SNX29: variants seen among roughly 807,000 people sequenced by gnomAD.
SNX29 encodes sorting nexin-29.
SNX29 carries 78 observed loss-of-function variants against 102.1 expected under a neutral mutation model. The ratio of observed to expected loss-of-function variants is 0.76; its 90% CI spans 0.64 to 0.92. SNX29 has a LOEUF of 0.92. Among genes scored for constraint, SNX29 ranks in the 40% least tolerant of loss-of-function variants. The pLI is 0.00. For missense variants in SNX29, 1,280 were observed against 1,061.7 expected, an observed-to-expected ratio of 1.21 and a Z score of -2.86; for synonymous variants, 580 against 414.5, an observed-to-expected ratio of 1.40 and a Z score of -4.85.
chr16:12,259,298 C>T (rs937835617), intron 14 of SNX29, among the ~76,000 whole-genome samples: 4 of 152,200 alleles, frequency 2.6e-5, no homozygotes, highest in East Asian at 1.9e-4. Flanking sequence ...AGCGTGATTA[C>T]AGCTGGGCCA....
intron 19 of SNX29, among the ~76,000 whole-genome samples, chr16:12,479,441 T>C (rs751157708): frequency 1.3e-5 from 2 of 150,938 alleles, no homozygotes; most frequent in African/African-American, 2.4e-5. Flanking sequence ...ATAAAACAGA[T>C]TGAAACCTGA....
In SNX29 at chr16:12,257,663, C is replaced by T. The variant is rs532880735; in HGVS notation, c.1679-20270C>T. On this transcript the variant is annotated intron_variant, in intron 14 of 20. Transcript: ENST00000566228. ...AGTTGGGAAGTTGGAACTACAGGCA[C>T]GCACCACCATGCCCGGCTTATTTAA... is the stretch of plus-strand genomic sequence containing the variant. 4.0e-5 allele frequency among the ~76,000 whole-genome samples: 6 copies of T among 151,786 alleles called. No individual in the cohort carries two copies. In the South Asian group the frequency reaches 1.0e-3, roughly 26 times the overall value.
intron 11 of SNX29, among the ~76,000 whole-genome samples, chr16:12,113,384 G>T (rs1229240329): frequency 6.6e-6 from 1 of 152,112 alleles, no homozygotes; most frequent in Non-Finnish European, 1.5e-5. Context: ...TGACTACATG[G>T]CTCCTGTGTT....
chr16:12,158,003 C>G (rs575916299), intron 13 of SNX29, among the ~76,000 whole-genome samples: 52 of 152,224 alleles, frequency 3.4e-4, no homozygotes, highest in African/African-American at 1.1e-3. Flanking sequence ...CATTACATCA[C>G]AGCATCTGGT....
chr16:12,078,700 T>G, intron 10 of SNX29, 133 bp from the exon 11 acceptor site: 1 of 756,752 alleles, frequency 1.3e-6, no homozygotes, highest in South Asian at 1.5e-5. Context: ...GAGGCCTGAC[T>G]AATTTCCAAT....
At chr16:12,267,008 C>A (rs1243130191) in intron 14 of SNX29, among the ~76,000 whole-genome samples, 1 of 152,172 alleles carries the variant, frequency 6.6e-6, no homozygotes, top group Middle Eastern at 3.2e-3. Context: ...AGTGATCCGC[C>A]TGCCTCAGCC....
chr16:12,298,984 C>T (rs112453709), intron 15 of SNX29, among the ~76,000 whole-genome samples: 1 of 144,146 alleles, frequency 6.9e-6, no homozygotes, highest in Admixed American at 6.8e-5. Context: ...CCAGAGAGGA[C>T]CAATGAGTCT....
At chr16:12,066,603 G>A (rs574344196) in intron 9 of SNX29, among the ~76,000 whole-genome samples, 3 of 152,182 alleles carry the variant, frequency 2.0e-5, no homozygotes, top group South Asian at 4.1e-4. Flanking sequence ...GACCTTGCCA[G>A]ATGTGCCGAG....
At chr16:12,550,891 G>A (rs1179365367) in intron 20 of SNX29, among the ~76,000 whole-genome samples, 4 of 152,192 alleles carry the variant, frequency 2.6e-5, no homozygotes, top group Non-Finnish European at 5.9e-5. Flanking sequence ...TGTGACGGGA[G>A]GGGAAGCTCA....
intron 13 of SNX29, among the ~76,000 whole-genome samples, chr16:12,198,141 G>C (rs974582887): frequency 6.6e-6 from 1 of 152,076 alleles, no homozygotes; most frequent in African/African-American, 2.4e-5. Context: ...TGAGTGTTTT[G>C]GGTTGGTAGT....
At chr16:12,069,619 A>T (rs1052227779) in intron 10 of SNX29, among the ~76,000 whole-genome samples, 2 of 152,132 alleles carry the variant, frequency 1.3e-5, no homozygotes, top group African/African-American at 4.8e-5. Context: ...TGCCTCAGAG[A>T]GACTGTATAA....
chr16:12,536,898 C>T (rs147808469), intron 20 of SNX29, among the ~76,000 whole-genome samples: 1,979 of 152,210 alleles, frequency 0.013, 35 homozygotes, highest in African/African-American at 0.046. Flanking sequence ...ATCGCTTGAG[C>T]CCGGGAGGTG....
chr16:12,061,686 T>G, intron 9 of SNX29, 40 bp downstream of exon 9: 1 of 1,548,702 alleles, frequency 6.5e-7, no homozygotes, highest in Non-Finnish European at 8.8e-7. Context: ...CAATAAGAGC[T>G]TTGGCTTCGA....
At chr16:12,447,152 G>C (rs560028693) in intron 18 of SNX29, among the ~76,000 whole-genome samples, 289 of 114,528 alleles carry the variant, frequency 2.5e-3, no homozygotes, top group African/African-American at 9.0e-3. Context: ...GGCGACAGAG[G>C]GAGACTCTGT....
chr16:12,091,946 C>T (rs1316708895), intron 11 of SNX29, among the ~76,000 whole-genome samples: 2 of 152,156 alleles, frequency 1.3e-5, no homozygotes, highest in Non-Finnish European at 2.9e-5. Flanking sequence ...GTGAGAAAAT[C>T]AGTCCCTGTC....
rs145057386 is a variant in SNX29 at position 12,086,322 on chromosome 16, C to G, written c.1402+7407C>G. Among the ~76,000 whole-genome samples, 17 of 152,236 alleles carry G rather than the reference C, an allele frequency of 1.1e-4. No homozygotes were observed. The East Asian group carries it at 2.7e-3, about 24-fold the overall frequency. On this transcript the variant is annotated intron_variant, in intron 11 of 20. Transcript: ENST00000566228. ...CCTGGCCACGCTCTTGCCAATTCTA[C>G]ATTACCTAAGGAGACACGTTTCATT...
At chr16:12,016,483 A>G (rs1353307405) in intron 3 of SNX29, among the ~76,000 whole-genome samples, 1 of 152,064 alleles carries the variant, frequency 6.6e-6, no homozygotes, top group African/African-American at 2.4e-5. Flanking sequence ...GTTGTATGGT[A>G]TTTGCATAGT....
intron 18 of SNX29, among the ~76,000 whole-genome samples, chr16:12,470,697 T>G (rs1267591314): frequency 1.3e-5 from 2 of 152,192 alleles, no homozygotes; most frequent in Admixed American, 1.3e-4. Context: ...TGTTTGTGTT[T>G]CCCCGCCTGC....
At chr16:12,010,072 T>C (rs1199797539) in intron 3 of SNX29, among the ~76,000 whole-genome samples, 1 of 152,256 alleles carries the variant, frequency 6.6e-6, no homozygotes, top group African/African-American at 2.4e-5. Context: ...TGCACCTCAA[T>C]ATCCTCAACT....
Sources: gnomAD v4.1 joint callset for allele counts (sites outside exome capture counted in the v4.1 genomes callset) on GRCh38, gnomAD v4.1.1 for gene constraint, MANE v1.5 for transcripts, NCBI Gene and HGNC (gene_info 2026-07-23, HGNC 2026-07-21) for gene names.